Variants in FRMD4A observed in about 807,000 individuals in gnomAD.
FRMD4A encodes FERM domain containing 4A.
A neutral mutation model predicts 129.1 loss-of-function variants in FRMD4A; 29 were observed. The observed-to-expected ratio is 0.22, with a 90% CI of 0.17 to 0.31. The LOEUF is 0.31. Among genes scored for constraint, FRMD4A ranks in the 10% least tolerant of loss-of-function variants. The probability of loss-of-function intolerance (pLI) is 1.00; values close to 1 mark genes in which losing one functional copy is unlikely to be tolerated. For synonymous variants in FRMD4A, 634 were observed against 571.6 expected (o/e 1.11, Z -1.56); for missense variants, 1,272 against 1,375.8 (o/e 0.92, Z 1.19).
chr10:13,801,023 T>G (rs1204013139), intron 4 of FRMD4A, among the ~76,000 whole-genome samples: 1 of 152,092 alleles, frequency 6.6e-6, no homozygotes, highest in Non-Finnish European at 1.5e-5. Context: ...CCATGGCAGG[T>G]GGATCACGAG....
intron 2 of FRMD4A, among the ~76,000 whole-genome samples, chr10:14,121,963 A>G (rs1838548200): frequency 6.6e-6 from 1 of 152,212 alleles, no homozygotes; most frequent in African/African-American, 2.4e-5. Context: ...TTATGCCAAG[A>G]TATGGAAAGC....
intron 2 of FRMD4A, among the ~76,000 whole-genome samples, chr10:13,924,409 C>CT (rs2095106681): frequency 1.1e-5 from 1 of 86,968 alleles, no homozygotes; most frequent in Admixed American, 1.3e-4. Flanking sequence ...TCTTCTCGTT[C>CT]CTTTTTTTTT....
intron 2 of FRMD4A, among the ~76,000 whole-genome samples, chr10:14,184,120 CT>C (rs1272291231): frequency 1.0e-5 from 1 of 99,642 alleles, no homozygotes; most frequent in Non-Finnish European, 2.0e-5. Flanking sequence ...TTTTTCTTTT[CT>C]TTTCTTTTTT....
intron 12 of FRMD4A, among the ~76,000 whole-genome samples, chr10:13,719,380 C>T (rs2089190018): frequency 6.6e-6 from 1 of 152,036 alleles, no homozygotes; most frequent in African/African-American, 2.4e-5. Context: ...AAGCCTACTC[C>T]CAACCTAGAG....
At chr10:13,707,462 G>C in intron 12 of FRMD4A, 8 of 1,030,314 alleles carry the variant, frequency 7.8e-6, no homozygotes, top group Non-Finnish European at 9.3e-6. Flanking sequence ...GAGAGGTGGA[G>C]ACCGGGGAGA....
At chr10:13,915,950 A>G (rs1249259704) in intron 2 of FRMD4A, among the ~76,000 whole-genome samples, 1 of 152,234 alleles carries the variant, frequency 6.6e-6, no homozygotes, top group Non-Finnish European at 1.5e-5. Context: ...GGGTTGGCTC[A>G]GGCACTGTGG....
At position 14,015,619 on chromosome 10, in the gene FRMD4A, A is replaced by G. The variant is rs116346095; in HGVS notation, c.46-156707T>C. Among the ~76,000 whole-genome samples the G allele has an allele frequency of 1.3e-3, 192 of 152,262 alleles. 2 individuals are homozygous for G. The highest frequency in any genetic ancestry group is 4.3e-3 in the African/African-American group (179 of 41,546). On this transcript the variant is annotated intron_variant, in intron 2 of 24. Coordinates refer to ENST00000357447, the MANE Select transcript of FRMD4A (RefSeq NM_018027.5). ...TGGTCAACTCCTCGCTTCTGCCATG[A>G]CACTGCCCATGCTCTTCTTGTATTC...
At chr10:14,123,591 C>T (rs549776717) in intron 2 of FRMD4A, among the ~76,000 whole-genome samples, 36 of 152,216 alleles carry the variant, frequency 2.4e-4, no homozygotes, top group South Asian at 6.2e-4. Context: ...AGTGAAGGGG[C>T]CCAGGTTGGT....
rs60503280 is a variant in FRMD4A, at chr10:13,819,127, C to CAAACA, written c.112-8224_112-8220dup. Among the ~76,000 whole-genome samples the CAAACA allele has an allele frequency of 6.8e-5, 9 of 132,198 alleles. 1 individual carries two copies. Among genetic ancestry groups the CAAACA allele is most frequent in the African/African-American group, 2.4e-4 (9 of 38,120 alleles). 86.7% of individuals were successfully genotyped at this position (132,198 alleles called of 152,430 possible). ...TGGGTGACAGAGTGAGACTCTGTCT[C>CAAACA]AAACAAAACAAAACAAAACAAAACA... On this transcript the variant is annotated intron_variant, in intron 3 of 24. Transcript: ENST00000357447.
intron 6 of FRMD4A, among the ~76,000 whole-genome samples, chr10:13,781,024 C>T (rs2092719008): frequency 6.6e-6 from 1 of 152,154 alleles, no homozygotes; most frequent in Non-Finnish European, 1.5e-5. Flanking sequence ...GGAAGGCAGC[C>T]AAGCGTGGTG....
chr10:13,902,656 A>G (rs2094834386), intron 2 of FRMD4A, among the ~76,000 whole-genome samples: 1 of 151,986 alleles, frequency 6.6e-6, no homozygotes, highest in Admixed American at 6.6e-5. Flanking sequence ...CCTGGCCAAC[A>G]TGGTGAAATC....
chr10:14,136,436 C>A (rs1839538791), intron 2 of FRMD4A, among the ~76,000 whole-genome samples: 2 of 152,130 alleles, frequency 1.3e-5, no homozygotes, highest in Admixed American at 6.5e-5. Context: ...AAAGTTATCC[C>A]TCTGCTCACC....
At chr10:13,808,018 C>G in intron 4 of FRMD4A, among the ~76,000 whole-genome samples, 1 of 152,026 alleles carries the variant, frequency 6.6e-6, no homozygotes, top group Non-Finnish European at 1.5e-5. Context: ...AGGCTGGTCT[C>G]GAACTCCTGA....
intron 2 of FRMD4A, among the ~76,000 whole-genome samples, chr10:14,024,664 A>T (rs1333162076): frequency 1.3e-5 from 2 of 152,264 alleles, no homozygotes; most frequent in Non-Finnish European, 2.9e-5. Context: ...ATGGGATCAG[A>T]ATGGGCATAA....
chr10:13,943,996 C>T (rs1218413797), intron 2 of FRMD4A, among the ~76,000 whole-genome samples: 1 of 152,134 alleles, frequency 6.6e-6, no homozygotes, highest in Non-Finnish European at 1.5e-5. Flanking sequence ...TATGTTCCTA[C>T]CATTCAGAGA....
chr10:13,972,108 C>T (rs987507638), intron 2 of FRMD4A: 79 of 1,090,622 alleles, frequency 7.2e-5, no homozygotes, highest in Non-Finnish European at 8.1e-5. Flanking sequence ...GTGCAGATAA[C>T]GGCACATCCC....
At chr10:14,063,531 G>C (rs1306170849) in intron 2 of FRMD4A, among the ~76,000 whole-genome samples, 5 of 147,952 alleles carry the variant, frequency 3.4e-5, no homozygotes, top group Non-Finnish European at 7.4e-5. Context: ...ATAAAAACCT[G>C]AGTTCTTACA....
intron 22 of FRMD4A, among the ~76,000 whole-genome samples, chr10:13,656,284 G>A (rs939426201): frequency 3.3e-5 from 5 of 152,038 alleles, no homozygotes; most frequent in African/African-American, 1.2e-4. Context: ...TCCTCACTAG[G>A]GTAAAAGACA....
At chr10:14,327,942 C>T (rs1843344650) in intron 2 of FRMD4A, among the ~76,000 whole-genome samples, 1 of 152,168 alleles carries the variant, frequency 6.6e-6, no homozygotes, top group African/African-American at 2.4e-5. Flanking sequence ...GCTAAATGGC[C>T]TCTTTTCCTC....
Sources: allele counts gnomAD v4.1 joint callset (sites outside exome capture counted in the v4.1 genomes callset), GRCh38; gene constraint gnomAD v4.1.1; transcripts MANE v1.5; gene names NCBI Gene and HGNC (gene_info 2026-07-23, HGNC 2026-07-21).